BLTP3A: variants seen among roughly 807,000 people sequenced by gnomAD.
BLTP3A encodes bridge-like lipid transfer protein family member 3A.
At chr6:34,842,979 A>G in the BLTP3A span, among the ~76,000 whole-genome samples, 1 of 152,090 alleles carries the variant, frequency 6.6e-6, no homozygotes, top group South Asian at 2.1e-4. Context: ...GTTTATTTTA[A>G]AATTTTATTT....
the BLTP3A span, among the ~76,000 whole-genome samples, chr6:34,869,353 G>A: frequency 1.7e-4 from 26 of 151,986 alleles, no homozygotes; most frequent in African/African-American, 5.6e-4. Context: ...TAAGTCTCTG[G>A]GAGTCCCTCT....
chr6:34,804,014 G>C, the BLTP3A span, among the ~76,000 whole-genome samples: 6 of 152,290 alleles, frequency 3.9e-5, no homozygotes, highest in East Asian at 1.2e-3. Flanking sequence ...CACAGCGGCT[G>C]ATACGAAATT....
At chr6:34,844,242 A>C in the BLTP3A span, among the ~76,000 whole-genome samples, 1 of 152,022 alleles carries the variant, frequency 6.6e-6, no homozygotes, top group African/African-American at 2.4e-5. Flanking sequence ...TTGGCCTCCC[A>C]AAGTGCTGGG....
chr6:34,836,015 G>A, the BLTP3A span: 5 of 1,036,906 alleles, frequency 4.8e-6, no homozygotes, highest in African/African-American at 6.4e-5. Flanking sequence ...ACCTAAGTGA[G>A]CTACTAGGCC....
At chr6:34,859,890 C>T in the BLTP3A span, among the ~76,000 whole-genome samples, 18 of 152,014 alleles carry the variant, frequency 1.2e-4, no homozygotes, top group African/African-American at 4.1e-4. Flanking sequence ...TTATAGACAC[C>T]TGCCACTGTA....
the BLTP3A span, among the ~76,000 whole-genome samples, chr6:34,866,957 C>T: frequency 6.6e-6 from 1 of 151,964 alleles, no homozygotes; most frequent in Non-Finnish European, 1.5e-5. Context: ...ATTTATATAC[C>T]ACATTGCTTA....
At chr6:34,795,388 GT>G in the BLTP3A span, among the ~76,000 whole-genome samples, 1 of 146,482 alleles carries the variant, frequency 6.8e-6, no homozygotes, top group African/African-American at 2.5e-5. Flanking sequence ...TGAACATACA[GT>G]TTTTTTTGTT....
the BLTP3A span, chr6:34,856,852 G>A: frequency 1.2e-6 from 2 of 1,614,060 alleles, no homozygotes; most frequent in African/African-American, 1.3e-5. Context: ...CAGACAGCCT[G>A]CCTTTCAGCC....
At chr6:34,796,826 TC>T in the BLTP3A span, among the ~76,000 whole-genome samples, 2 of 152,286 alleles carry the variant, frequency 1.3e-5, no homozygotes, top group Admixed American at 1.3e-4. Context: ...TGCCTCATCC[TC>T]CCGAGTAGCT....
the BLTP3A span, among the ~76,000 whole-genome samples, chr6:34,865,516 A>C: frequency 6.6e-6 from 1 of 152,224 alleles, no homozygotes; most frequent in Non-Finnish European, 1.5e-5. Flanking sequence ...GAATGGAGAT[A>C]GTTCTTTGAT....
chr6:34,837,643 C>T, the BLTP3A span, among the ~76,000 whole-genome samples: 3 of 152,030 alleles, frequency 2.0e-5, no homozygotes, highest in South Asian at 2.1e-4. Context: ...TGTGCCACTA[C>T]ACTCCAGCCT....
the BLTP3A span, chr6:34,823,319 G>A: frequency 1.2e-6 from 2 of 1,614,082 alleles, no homozygotes; most frequent in South Asian, 2.2e-5. Context: ...CCAATGGACA[G>A]TCTCCCATTG....
At chr6:34,807,929 TA>T in the BLTP3A span, among the ~76,000 whole-genome samples, 1 of 152,102 alleles carries the variant, frequency 6.6e-6, no homozygotes, top group Non-Finnish European at 1.5e-5. Context: ...TAATCTCAGC[TA>T]CTCAGGAAGC....
the BLTP3A span, among the ~76,000 whole-genome samples, chr6:34,869,489 A>G: frequency 6.6e-6 from 1 of 151,620 alleles, no homozygotes; most frequent in South Asian, 2.1e-4. Context: ...AGCTTTTTTC[A>G]CATTTTTCTA....
At chr6:34,864,522 CTT>C in the BLTP3A span, among the ~76,000 whole-genome samples, 9,725 of 109,184 alleles carry the variant, frequency 0.089, 343 homozygotes, top group East Asian at 0.32. Context: ...TGCTTATAGT[CTT>C]TTTTTTTTTT....
At chr6:34,871,324 C>G in the BLTP3A span, among the ~76,000 whole-genome samples, 1 of 151,984 alleles carries the variant, frequency 6.6e-6, no homozygotes, top group Non-Finnish European at 1.5e-5. Flanking sequence ...TCAGAAAAGC[C>G]AGGGTTCAGG....
At chr6:34,800,327 C>A in the BLTP3A span, among the ~76,000 whole-genome samples, 6 of 152,186 alleles carry the variant, frequency 3.9e-5, no homozygotes, top group Non-Finnish European at 8.8e-5. Flanking sequence ...TCTATACCCA[C>A]TGTAATGTGT....
At chr6:34,867,109 G>T in the BLTP3A span, 1 of 1,134,324 alleles carries the variant, frequency 8.8e-7, no homozygotes, top group African/African-American at 1.6e-5. Context: ...ATTTCTAGTT[G>T]TCTCATGAAT....
the BLTP3A span, chr6:34,836,392 T>C: frequency 1.3e-6 from 2 of 1,566,664 alleles, no homozygotes; most frequent in Admixed American, 3.4e-5. Flanking sequence ...TCCACGTCAC[T>C]GTCTAGCTCT....
Sources: gnomAD v4.1 joint callset for allele counts (sites outside exome capture counted in the v4.1 genomes callset) on GRCh38, gnomAD v4.1.1 for gene constraint, MANE v1.5 for transcripts, NCBI Gene and HGNC (gene_info 2026-07-23, HGNC 2026-07-21) for gene names.